SNX9: variants seen among roughly 807,000 people sequenced by gnomAD.
The protein encoded by SNX9 is sorting nexin-9.
A neutral mutation model predicts 89.4 loss-of-function variants in SNX9; 44 were observed. The observed-to-expected ratio is 0.49, with a 90% CI of 0.39 to 0.63. SNX9 has a LOEUF of 0.63. SNX9 is among the 30% of genes least tolerant of loss of function. The pLI is 0.00. For missense variants in SNX9, 578 were observed against 736.1 expected (o/e 0.79, Z 2.49); for synonymous variants, 236 against 247.8 (o/e 0.95, Z 0.45).
At chr6:157,865,839 C>A (rs1388873547) in intron 1 of SNX9, among the ~76,000 whole-genome samples, 1 of 152,178 alleles carries the variant, frequency 6.6e-6, no homozygotes, top group Non-Finnish European at 1.5e-5. Context: ...ACAAAAGGGC[C>A]TTTCAAGTTC....
chr6:157,857,053 C>T (rs1025627908), intron 1 of SNX9, among the ~76,000 whole-genome samples: 2 of 151,888 alleles, frequency 1.3e-5, no homozygotes, highest in African/African-American at 4.8e-5. Context: ...GATTTTTTTG[C>T]CTTTATTTAC....
chr6:157,858,876 T>A (rs1322158364), intron 1 of SNX9, among the ~76,000 whole-genome samples: 1 of 152,128 alleles, frequency 6.6e-6, no homozygotes, highest in East Asian at 1.9e-4. Flanking sequence ...GTATGGGGGA[T>A]ACCACCCCCA....
chr6:157,890,192 T>C (rs2115156782), intron 4 of SNX9, among the ~76,000 whole-genome samples: 1 of 152,294 alleles, frequency 6.6e-6, no homozygotes, highest in South Asian at 2.1e-4. Context: ...TCCCATATTG[T>C]ATATTTGTAC....
At chr6:157,892,335 G>C (rs1301996747) in intron 4 of SNX9, among the ~76,000 whole-genome samples, 1 of 152,174 alleles carries the variant, frequency 6.6e-6, no homozygotes, top group Non-Finnish European at 1.5e-5. Context: ...GACCTGCCAG[G>C]GCAGTAAAAG....
intron 3 of SNX9, among the ~76,000 whole-genome samples, chr6:157,873,665 T>G (rs1442897933): frequency 6.6e-6 from 1 of 150,484 alleles, no homozygotes; most frequent in African/African-American, 2.4e-5. Context: ...ATGACACATA[T>G]AACGTATTTT....
chr6:157,897,491 T>C (rs1783004964), intron 5 of SNX9, among the ~76,000 whole-genome samples: 1 of 152,012 alleles, frequency 6.6e-6, no homozygotes, highest in Admixed American at 6.5e-5. Flanking sequence ...TTTCATCACA[T>C]AGGCATGATC....
intron 1 of SNX9, among the ~76,000 whole-genome samples, chr6:157,855,401 A>G (rs1781989620): frequency 6.6e-6 from 1 of 152,194 alleles, no homozygotes; most frequent in African/African-American, 2.4e-5. Flanking sequence ...CTAGAGGATA[A>G]GTTCCTAGAC....
chr6:157,852,822 C>A (rs1381188197), intron 1 of SNX9, among the ~76,000 whole-genome samples: 1 of 152,202 alleles, frequency 6.6e-6, no homozygotes, highest in Non-Finnish European at 1.5e-5. Context: ...GATCTGTCCA[C>A]CTCGGCCTCC....
chr6:157,907,277 T>TG, intron 7 of SNX9, among the ~76,000 whole-genome samples: 1 of 145,392 alleles, frequency 6.9e-6, no homozygotes, highest in East Asian at 2.0e-4. Context: ...CAGTTTTGTT[T>TG]TTTTGTTTGT....
rs181284271 is a variant in SNX9, at chr6:157,879,556, C to T, written c.300+4380C>T. On this transcript the variant is annotated intron_variant, in intron 4 of 17. Coordinates refer to ENST00000392185, the MANE Select transcript of SNX9 (RefSeq NM_016224.5). ...CCAGATAAGGACAACCATTTTATTA[C>T]CTTTGAAAAGAAAGCATAGTTTTTA... 1.6e-3 allele frequency among the ~76,000 whole-genome samples: 241 copies of T among 152,312 alleles called. 1 individual carries two copies. Among genetic ancestry groups the T allele is most frequent in the Non-Finnish European group, 2.4e-3 (164 of 68,026 alleles).
At chr6:157,872,020 A>C (rs1171939515) in intron 2 of SNX9, among the ~76,000 whole-genome samples, 1 of 152,064 alleles carries the variant, frequency 6.6e-6, no homozygotes, top group African/African-American at 2.4e-5. Flanking sequence ...TTGTGGTCAG[A>C]AAGTGACAAA....
intron 1 of SNX9, among the ~76,000 whole-genome samples, chr6:157,841,905 A>G (rs973898509): frequency 1.3e-5 from 2 of 152,212 alleles, no homozygotes; most frequent in East Asian, 1.9e-4. Context: ...CAAAAGTAGA[A>G]CAGCACAGTG....
At chr6:157,872,647 G>A (rs1782436875) in intron 2 of SNX9, 2 of 152,668 alleles carry the variant, frequency 1.3e-5, no homozygotes, top group Non-Finnish European at 2.9e-5. Context: ...CGACTTGGGT[G>A]CCAGAAGAGT....
Position 157,843,170 on chromosome 6 carries a change from G to A in SNX9, c.12+19724G>A, listed in dbSNP as rs556268543. Among the ~76,000 whole-genome samples, 187 of 152,280 alleles carry A rather than the reference G, an allele frequency of 1.2e-3. 1 individual carries two copies. The highest frequency in any genetic ancestry group is 2.9e-3 in the South Asian group (14 of 4,812). On this transcript the variant is annotated intron_variant, in intron 1 of 17. Transcript: ENST00000392185. ...TTTCTGTACAGCTTAGGTGGTGCCA[G>A]CAATGGGAGGATGCTTAGGACAAGG... is the stretch of plus-strand genomic sequence containing the variant.
At chr6:157,861,690 C>T (rs1008341957) in intron 1 of SNX9, among the ~76,000 whole-genome samples, 1 of 152,158 alleles carries the variant, frequency 6.6e-6, no homozygotes, top group Non-Finnish European at 1.5e-5. Context: ...GTTCCGAGAC[C>T]TCCAGGGATG....
chr6:157,924,526 A>G (rs1436709393), intron 10 of SNX9: 1 of 153,370 alleles, frequency 6.5e-6, no homozygotes, highest in Non-Finnish European at 1.5e-5. Flanking sequence ...AGTAGTAGCT[A>G]TTGGATCAGA....
In SNX9 at chr6:157,921,449, G is replaced by A; in HGVS notation, c.950-82G>A. On this transcript the variant is annotated intron_variant, in intron 9 of 17. Coordinates refer to ENST00000392185, the MANE Select transcript of SNX9 (RefSeq NM_016224.5). ...TTCTACCCAATAGCCAGTAGACATA[G>A]AAATGGTTTTTCAGTTACAGTATGG... 5.5e-6 allele frequency: 8 copies of A among 1,443,610 alleles called. No homozygotes were observed. In the South Asian group the frequency reaches 1.0e-4, roughly 18 times the overall value. 89.4% of individuals were successfully genotyped at this position (1,443,610 alleles called of 1,614,324 possible).
intron 1 of SNX9, among the ~76,000 whole-genome samples, chr6:157,826,917 A>T (rs866780897): frequency 4.8e-4 from 1 of 2,074 alleles, no homozygotes; most frequent in Non-Finnish European, 7.8e-4. Flanking sequence ...AATATATAAA[A>T]TATATTATAG....
Position 157,942,877 on chromosome 6 carries a change from C to T in SNX9, c.*39C>T. 6.3e-7 allele frequency: 1 copy of T among 1,594,588 alleles called. No homozygotes were observed. The highest frequency in any genetic ancestry group is 8.6e-7 in the Non-Finnish European group (1 of 1,167,170). ...TTGAAGAGAATGCCGCGTGCTTTCT[C>T]CTGACTTGGGGCAATGCAATTCAAA... On this transcript the variant is annotated 3_prime_UTR_variant, in exon 18 of 18. Transcript: ENST00000392185.
Sources: gnomAD v4.1 joint callset for allele counts (sites outside exome capture counted in the v4.1 genomes callset) on GRCh38, gnomAD v4.1.1 for gene constraint, MANE v1.5 for transcripts, NCBI Gene and HGNC (gene_info 2026-07-23, HGNC 2026-07-21) for gene names.